Variants in TMEM132D observed in about 807,000 individuals in gnomAD.
The protein encoded by TMEM132D is transmembrane protein 132D.
In TMEM132D, 21 loss-of-function variants were observed where a neutral mutation model predicts 62.3. The observed-to-expected ratio is 0.34, with a 90% confidence interval of 0.24 to 0.49. TMEM132D has a LOEUF of 0.49. TMEM132D is among the 20% of genes least tolerant of loss of function. The probability of loss-of-function intolerance (pLI) is 0.99; values close to 1 mark genes in which losing one functional copy is unlikely to be tolerated. For synonymous variants in TMEM132D, 621 were observed against 575.6 expected (o/e 1.08, Z -1.13); for missense variants, 1,346 against 1,402.8 (o/e 0.96, Z 0.65).
intron 3 of TMEM132D, among the ~76,000 whole-genome samples, chr12:129,398,281 A>G (rs903904198): frequency 8.5e-5 from 13 of 152,136 alleles, no homozygotes; most frequent in Non-Finnish European, 1.3e-4. Context: ...CTGAACTACT[A>G]TCTTTAGTGC....
At chr12:129,182,406 T>A (rs1474932847) in intron 5 of TMEM132D, among the ~76,000 whole-genome samples, 2 of 152,214 alleles carry the variant, frequency 1.3e-5, no homozygotes, top group African/African-American at 4.8e-5. Context: ...GTCATCTCAC[T>A]GCTTCACCCT....
At chr12:129,626,911 G>C (rs1054319691) in intron 2 of TMEM132D, among the ~76,000 whole-genome samples, 1 of 152,204 alleles carries the variant, frequency 6.6e-6, no homozygotes, top group East Asian at 1.9e-4. Context: ...TGTAAGGTCA[G>C]CCAAGTCAGC....
At chr12:129,653,835 T>C (rs904036539) in intron 2 of TMEM132D, among the ~76,000 whole-genome samples, 9 of 152,202 alleles carry the variant, frequency 5.9e-5, no homozygotes, top group Non-Finnish European at 1.0e-4. Context: ...AACGACCCAA[T>C]AGTGGGAAGT....
At chr12:129,645,841 C>T (rs1462115176) in intron 2 of TMEM132D, among the ~76,000 whole-genome samples, 1 of 152,158 alleles carries the variant, frequency 6.6e-6, no homozygotes, top group Non-Finnish European at 1.5e-5. Flanking sequence ...AAAAGAAACT[C>T]CCACTAGTGC....
chr12:129,486,121 C>G (rs142612581), intron 3 of TMEM132D, among the ~76,000 whole-genome samples: 1 of 152,342 alleles, frequency 6.6e-6, no homozygotes, highest in Non-Finnish European at 1.5e-5. Flanking sequence ...CCATGGAAGA[C>G]TGATCGGTGT....
chr12:129,104,206 GGAACA>G (rs1426905919), intron 5 of TMEM132D, among the ~76,000 whole-genome samples: 1 of 151,138 alleles, frequency 6.6e-6, no homozygotes, highest in Non-Finnish European at 1.5e-5. Flanking sequence ...ATAGACCAAT[GGAACA>G]GAACAGAGCC....
chr12:129,358,719 A>G (rs1870153581), intron 3 of TMEM132D, among the ~76,000 whole-genome samples: 1 of 152,300 alleles, frequency 6.6e-6, no homozygotes, highest in South Asian at 2.1e-4. Flanking sequence ...GTAGCCAAGG[A>G]GGCCAAGGAC....
At chr12:129,720,376 T>C (rs2398468) in intron 1 of TMEM132D, among the ~76,000 whole-genome samples, 78,394 of 152,070 alleles carry the variant, frequency 0.52, 20,611 homozygotes, top group Middle Eastern at 0.63. Flanking sequence ...CACTTAAGGA[T>C]TCTAGAACCT....
At chr12:129,212,884 G>A (rs2135568924) in intron 4 of TMEM132D, among the ~76,000 whole-genome samples, 1 of 152,224 alleles carries the variant, frequency 6.6e-6, no homozygotes, top group South Asian at 2.1e-4. Context: ...TTTTCCTGGG[G>A]GCTCACTGTC....
intron 3 of TMEM132D, among the ~76,000 whole-genome samples, chr12:129,395,219 G>A (rs763779056): frequency 1.1e-4 from 17 of 152,170 alleles, no homozygotes; most frequent in Non-Finnish European, 2.1e-4. Context: ...ACAGTATTAA[G>A]GATAGCGAGA....
chr12:129,731,928 C>T (rs984601760), intron 1 of TMEM132D, among the ~76,000 whole-genome samples: 1 of 152,300 alleles, frequency 6.6e-6, no homozygotes, highest in Non-Finnish European at 1.5e-5. Context: ...TCCCAAAGTG[C>T]TGGGATTACA....
intron 4 of TMEM132D, among the ~76,000 whole-genome samples, chr12:129,324,046 C>T (rs959122594): frequency 2.6e-5 from 4 of 151,850 alleles, no homozygotes; most frequent in Non-Finnish European, 5.9e-5. Context: ...TTTCAAACTT[C>T]ATGTGTTTCC....
At chr12:129,213,198 TA>T (rs1464580213) in intron 4 of TMEM132D, among the ~76,000 whole-genome samples, 2 of 152,148 alleles carry the variant, frequency 1.3e-5, no homozygotes, top group African/African-American at 4.8e-5. Flanking sequence ...TGTATTGCTA[TA>T]AAGAAATACC....
At chr12:129,782,803 G>A (rs1871156815) in intron 1 of TMEM132D, among the ~76,000 whole-genome samples, 1 of 152,268 alleles carries the variant, frequency 6.6e-6, no homozygotes, top group African/African-American at 2.4e-5. Flanking sequence ...TCACACAGGT[G>A]TATTCCTGAT....
intron 2 of TMEM132D, among the ~76,000 whole-genome samples, chr12:129,614,036 C>T (rs182923736): frequency 2.3e-4 from 35 of 151,602 alleles, no homozygotes; most frequent in Non-Finnish European, 4.4e-4. Context: ...TGACTGTCTC[C>T]ATCACCTAGG....
In TMEM132D at chr12:129,089,581, C is replaced by T. The variant is rs1008326868; in HGVS notation, c.1444-4879G>A. Among the ~76,000 whole-genome samples, 13 of 144,704 alleles carry T rather than the reference C, an allele frequency of 9.0e-5. 4 individuals carry two copies. The highest frequency in any genetic ancestry group is 1.6e-4 in the Non-Finnish European group (10 of 63,984). The allele number at this position is 144,704 out of a possible 152,430, so 94.9% of individuals were successfully genotyped here. Reference sequence around the variant, plus strand: ...CCCTGACTGAGGTGTCTTCCCTGACCGGGGTGTCCTCCCTGACCGGGGTGT... The same window carrying T: ...CCCTGACTGAGGTGTCTTCCCTGACTGGGGTGTCCTCCCTGACCGGGGTGT... On this transcript the variant is annotated intron_variant, in intron 5 of 8. Transcript: ENST00000422113.
intron 1 of TMEM132D, chr12:129,853,850 C>A (rs1873624822): frequency 6.6e-6 from 1 of 152,192 alleles, no homozygotes; most frequent in Admixed American, 6.5e-5. Flanking sequence ...CATAAGTTTA[C>A]TGCAATACAC....
At chr12:129,480,695 T>C (rs1208682289) in intron 3 of TMEM132D, among the ~76,000 whole-genome samples, 1 of 152,176 alleles carries the variant, frequency 6.6e-6, no homozygotes, top group Non-Finnish European at 1.5e-5. Flanking sequence ...CAGATAAATG[T>C]GTTCCAAATA....
intron 3 of TMEM132D, among the ~76,000 whole-genome samples, chr12:129,481,240 TATGGGAGGCCAAG>T (rs1874420300): frequency 6.6e-6 from 1 of 151,858 alleles, no homozygotes; most frequent in Non-Finnish European, 1.5e-5. Context: ...ACCCCAGAAC[TATGGGAGGCCAAG>T]GTGGGAGGAT....
Sources: allele counts gnomAD v4.1 joint callset (sites outside exome capture counted in the v4.1 genomes callset), GRCh38; gene constraint gnomAD v4.1.1; transcripts MANE v1.5; gene names NCBI Gene and HGNC (gene_info 2026-07-23, HGNC 2026-07-21).